The following CAMSAP2 variants were observed in gnomAD, a reference collection of about 807,000 sequenced individuals.
CAMSAP2 encodes the protein calmodulin regulated spectrin associated protein family member 2.
CAMSAP2 carries 26 observed loss-of-function variants against 146.1 expected under a neutral mutation model. The ratio of observed to expected loss-of-function variants is 0.18; its 90% CI spans 0.13 to 0.25. The LOEUF (loss-of-function observed/expected upper bound fraction) is 0.25. Among genes scored for constraint, CAMSAP2 ranks in the 10% least tolerant of loss-of-function variants. CAMSAP2 has a pLI of 1.00. For missense variants in CAMSAP2, 1,381 were observed against 1,759.3 expected, an observed-to-expected ratio of 0.78 and a Z score of 3.85; for synonymous variants, 499 against 596.6, an observed-to-expected ratio of 0.84 and a Z score of 2.38.
intron 6 of CAMSAP2, among the ~76,000 whole-genome samples, chr1:200,837,027 C>G (rs1667202130): frequency 6.9e-6 from 1 of 145,128 alleles, no homozygotes. Flanking sequence ...AAATTTTCTC[C>G]CATTCTATAA....
intron 2 of CAMSAP2, among the ~76,000 whole-genome samples, chr1:200,777,687 T>C (rs534078082): frequency 2.0e-5 from 3 of 152,338 alleles, no homozygotes; most frequent in African/African-American, 7.2e-5. Context: ...ACTTTACAGT[T>C]GTGCCACCCA....
intron 1 of CAMSAP2, among the ~76,000 whole-genome samples, chr1:200,745,614 G>C (rs1487472374): frequency 6.6e-6 from 1 of 152,176 alleles, no homozygotes; most frequent in Non-Finnish European, 1.5e-5. Flanking sequence ...ACTGAAATTT[G>C]TATCTTAACC....
At chr1:200,821,665 CT>C (rs370798201) in intron 4 of CAMSAP2, among the ~76,000 whole-genome samples, 88 of 152,204 alleles carry the variant, frequency 5.8e-4, no homozygotes, top group Middle Eastern at 3.4e-3. Context: ...GTGGCCATTT[CT>C]TTTTTTTATC....
chr1:200,745,726 C>T (rs1431326456), intron 1 of CAMSAP2, among the ~76,000 whole-genome samples: 1 of 152,196 alleles, frequency 6.6e-6, no homozygotes, highest in Admixed American at 6.5e-5. Flanking sequence ...CCTGCCTCGG[C>T]CTCCCAAAGT....
At chr1:200,814,231 C>A (rs546635374) in intron 3 of CAMSAP2, among the ~76,000 whole-genome samples, 1 of 151,886 alleles carries the variant, frequency 6.6e-6, no homozygotes, top group African/African-American at 2.4e-5. Context: ...TTCTTCCCCT[C>A]CCCGAATTGG....
At position 200,837,182 on chromosome 1, in the gene CAMSAP2, T is replaced by A. The variant is rs1406565452; in HGVS notation, c.927+4337T>A. Among the ~76,000 whole-genome samples the A allele has an allele frequency of 3.3e-5, 5 of 152,332 alleles. No individual in the cohort carries two copies. The South Asian group carries it at 8.3e-4, about 25-fold the overall frequency. On this transcript the variant is annotated intron_variant, in intron 6 of 16. Transcript: ENST00000358823. The stretch of plus-strand genomic sequence containing the variant: ...TCTTTGCCCATTCCTATGTCCAGAA[T>A]GGTACTGCCTAGATTTTCTTCCAGG...
In CAMSAP2 at chr1:200,856,201, T is replaced by C. The variant is rs901254937; in HGVS notation, c.4012+76T>C. 2.9e-6 allele frequency: 3 copies of C among 1,031,938 alleles called. No homozygotes were observed. In the African/African-American group the frequency reaches 4.8e-5, roughly 16 times the overall value. The allele number at this position is 1,031,938 out of a possible 1,614,324, so 63.9% of individuals were successfully genotyped here. A position where few individuals can be genotyped will look rare whatever the true frequency, so the allele number is the denominator to read the frequency against. On this transcript the variant is annotated intron_variant, in intron 15 of 16. Transcript: ENST00000358823. The stretch of plus-strand genomic sequence containing the variant: ...AATGGAGGGTGTACTAAAGAAAATT[T>C]TATTGGCTCACCTTTGGGTCTTAAA...
At chr1:200,747,583 A>G (rs1035232854) in intron 1 of CAMSAP2, among the ~76,000 whole-genome samples, 2 of 150,112 alleles carry the variant, frequency 1.3e-5, no homozygotes, top group Non-Finnish European at 3.0e-5. Context: ...ATTGTTTCTG[A>G]AAAAGTCCTC....
At chr1:200,762,306 T>C (rs1664823902) in intron 2 of CAMSAP2, among the ~76,000 whole-genome samples, 1 of 152,226 alleles carries the variant, frequency 6.6e-6, no homozygotes, top group Admixed American at 6.5e-5. Context: ...ATATAGTTAT[T>C]AACAATAACT....
chr1:200,827,034 G>A (rs1290927074), intron 4 of CAMSAP2, among the ~76,000 whole-genome samples: 1 of 152,172 alleles, frequency 6.6e-6, no homozygotes, highest in African/African-American at 2.4e-5. Flanking sequence ...CTTATGCTAT[G>A]TATTTGAGCT....
chr1:200,812,803 C>T (rs1275254307), intron 3 of CAMSAP2, among the ~76,000 whole-genome samples: 1 of 152,086 alleles, frequency 6.6e-6, no homozygotes, highest in Non-Finnish European at 1.5e-5. Context: ...ATATATTAAC[C>T]TTATATTATT....
rs35294926 is a variant in CAMSAP2 at position 200,751,535 on chromosome 1, CAAAAAAAA to C, written c.140-9287_140-9280del. Among the ~76,000 whole-genome samples, 7 of 41,594 alleles carry C rather than the reference CAAAAAAAA, an allele frequency of 1.7e-4. No individual in the cohort carries two copies. In the Admixed American group the frequency reaches 2.2e-3, roughly 13 times the overall value. 27.3% of individuals were successfully genotyped at this position (41,594 alleles called of 152,430 possible). A position where few individuals can be genotyped will look rare whatever the true frequency, so the allele number is the denominator to read the frequency against. ...GGGTGACAAGAGTGAGACTCCATCT[CAAAAAAAA>C]AAAAAAAAAAAAAAAAGCTACAAGC... On this transcript the variant is annotated intron_variant, in intron 1 of 16. Transcript: ENST00000358823.
chr1:200,841,413 G>GT (rs1667320379), intron 6 of CAMSAP2, among the ~76,000 whole-genome samples: 1 of 152,000 alleles, frequency 6.6e-6, no homozygotes, highest in Non-Finnish European at 1.5e-5. Context: ...CACCCGGCTA[G>GT]TTTTTTGTAT....
intron 1 of CAMSAP2, among the ~76,000 whole-genome samples, chr1:200,756,231 T>A (rs1664644893): frequency 6.6e-6 from 1 of 152,128 alleles, no homozygotes. Context: ...GGCGGGCAGA[T>A]CATCTGAGGT....
rs753747837 is a variant in CAMSAP2 at position 200,848,021 on chromosome 1, CT to C, written c.1263-3del. The C allele has an allele frequency of 4.3e-5, 63 of 1,470,268 alleles. No individual in the cohort carries two copies. The highest frequency in any genetic ancestry group is 6.0e-5 in the South Asian group (4 of 66,474). The allele number at this position is 1,470,268 out of a possible 1,614,324, so 91.1% of individuals were successfully genotyped here. ...ATTTTTAAAGGATTTTTCTCTTTAA[CT>C]TTTTTTTAGATCATCAGTGCATGGC... On this transcript the variant is annotated splice_polypyrimidine_tract_variant and intron_variant, in intron 10 of 16. Coordinates refer to ENST00000358823, the MANE Select transcript of CAMSAP2 (RefSeq NM_203459.4).
In CAMSAP2 at chr1:200,758,311, AT is replaced by A. The variant is rs151210232; in HGVS notation, c.140-2527del. 2.0e-3 allele frequency among the ~76,000 whole-genome samples: 308 copies of A among 152,342 alleles called. 1 individual carries two copies. Among genetic ancestry groups the A allele is most frequent in the African/African-American group, 7.0e-3 (293 of 41,590 alleles). ...TTTTTTACTGATACAGGAAATAAAA[AT>A]CCATTGTTTATACATTTGATAAGTT... On this transcript the variant is annotated intron_variant, in intron 1 of 16. Coordinates refer to ENST00000358823, the MANE Select transcript of CAMSAP2 (RefSeq NM_203459.4).
chr1:200,752,303 C>T (rs936358845), intron 1 of CAMSAP2, among the ~76,000 whole-genome samples: 2 of 152,056 alleles, frequency 1.3e-5, no homozygotes, highest in Admixed American at 1.3e-4. Context: ...TGATATGTAA[C>T]TTTACTGAGC....
chr1:200,781,745 T>C (rs1665438865), intron 2 of CAMSAP2, among the ~76,000 whole-genome samples: 1 of 152,090 alleles, frequency 6.6e-6, no homozygotes, highest in Non-Finnish European at 1.5e-5. Context: ...GGTTTTGCCA[T>C]GTTGCCCTGG....
chr1:200,750,901 CTTT>C (rs55953656), intron 1 of CAMSAP2, among the ~76,000 whole-genome samples: 14 of 91,574 alleles, frequency 1.5e-4, no homozygotes, highest in Admixed American at 2.5e-4. Flanking sequence ...CCGCGCCTGC[CTTT>C]TTTTTTTTTT....
Sources: gnomAD v4.1 joint callset for allele counts (sites outside exome capture counted in the v4.1 genomes callset) on GRCh38, gnomAD v4.1.1 for gene constraint, MANE v1.5 for transcripts, NCBI Gene and HGNC (gene_info 2026-07-23, HGNC 2026-07-21) for gene names.